Variants in RPUSD3 observed in about 807,000 individuals in gnomAD.
RPUSD3 encodes RNA pseudouridine synthase D3, also known as mitochondrial mRNA pseudouridine synthase RPUSD3.
RPUSD3 carries 36 observed loss-of-function variants against 35.1 expected under a neutral mutation model. That is an observed-to-expected ratio of 1.02 (90% confidence interval 0.79 to 1.35). RPUSD3 has a LOEUF of 1.35. Among genes scored for constraint, RPUSD3 ranks in the 40% most tolerant of loss-of-function variants. The pLI is 0.00. For synonymous variants in RPUSD3, 202 were observed against 187.8 expected (o/e 1.08, Z -0.62); for missense variants, 486 against 441.9 (o/e 1.10, Z -0.89).
chr3:9,839,430 T>G, intron 7 of RPUSD3: 1 of 366,210 alleles, frequency 2.7e-6, no homozygotes, highest in Non-Finnish European at 5.0e-6. Context: ...CCACCGGGCC[T>G]AAGGACTGTT....
At chr3:9,843,817 T>A in intron 1 of RPUSD3, 73 bp downstream of exon 1, 1 of 1,554,282 alleles carries the variant, frequency 6.4e-7, no homozygotes, top group Non-Finnish European at 8.7e-7. Flanking sequence ...AACATCTACC[T>A]GATCCAGATC....
rs73116167 is a variant in RPUSD3, at chr3:9,838,393, G to C, written c.865-186C>G. On this transcript the variant is annotated intron_variant, in intron 8 of 8. Coordinates refer to ENST00000383820, the Ensembl canonical transcript of RPUSD3. The stretch of plus-strand genomic sequence containing the variant: ...AGGCACTCACACTGCAGCAGAGACT[G>C]GCTAGGGGGTCACCCAATCAGTTTC... Among the ~76,000 whole-genome samples the C allele has an allele frequency of 3.6e-3, 553 of 152,310 alleles. 3 individuals are homozygous for C. Among genetic ancestry groups the C allele is most frequent in the African/African-American group, 0.012 (497 of 41,560 alleles).
rs2082109398 is a variant in RPUSD3, at chr3:9,841,900, G to A, written c.407+83C>T. 5 of 1,125,460 alleles carry A rather than the reference G, an allele frequency of 4.4e-6. No individual in the cohort carries two copies. The South Asian group carries it at 5.7e-5, about 13-fold the overall frequency. 69.7% of individuals were successfully genotyped at this position (1,125,460 alleles called of 1,614,324 possible). On this transcript the variant is annotated intron_variant, in intron 4 of 8. Transcript: ENST00000383820. ...GATCTCAAACCTTCCCATGGAAAAT[G>A]TCTCAGCTTATCCCCAAGCAGCTGT...
chr3:9,838,005 C>G, exon 9 of RPUSD3: 5 of 1,550,368 alleles, frequency 3.2e-6, no homozygotes, highest in Non-Finnish European at 4.4e-6. Flanking sequence ...GGGTCAGGAA[C>G]AGAGGGAGGA....
chr3:9,843,519 G>C, exon 2 of RPUSD3: 1 of 1,614,058 alleles, frequency 6.2e-7, no homozygotes, highest in Non-Finnish European at 8.5e-7. Flanking sequence ...TCCCGACTGA[G>C]GTTTTTTGGC....
chr3:9,843,158 C>T (rs976383110), intron 2 of RPUSD3: 3 of 363,186 alleles, frequency 8.3e-6, no homozygotes, highest in Admixed American at 4.1e-5. Flanking sequence ...CCCTAAAGTG[C>T]CGGGATTACA....
At position 9,840,314 on chromosome 3, in the gene RPUSD3, T is replaced by G. The variant is rs369683619; in HGVS notation, c.601-7A>C. 5 of 1,614,138 alleles carry G rather than the reference T, an allele frequency of 3.1e-6. No individual in the cohort carries two copies. In the African/African-American group the frequency reaches 4.0e-5, roughly 13 times the overall value. The stretch of plus-strand genomic sequence containing the variant: ...GGGCCTTCACTGGAACTGTCTGTGG[T>G]GCCAGCCAAGAGTGAACAAGCCTTA... On this transcript the variant is annotated splice_polypyrimidine_tract_variant and splice_region_variant and intron_variant, in intron 6 of 8. Transcript: ENST00000383820.
chr3:9,840,034 C>T, intron 7 of RPUSD3, 150 bp downstream of exon 7: 1 of 949,456 alleles, frequency 1.1e-6, no homozygotes, highest in Non-Finnish European at 1.5e-6. Flanking sequence ...GCGCCTGCCA[C>T]CGTGCCCAGC....
exon 1 of RPUSD3, chr3:9,843,958 C>A: frequency 6.2e-7 from 1 of 1,608,958 alleles, no homozygotes; most frequent in South Asian, 1.1e-5. Flanking sequence ...GCCAGCCACT[C>A]CAGAACCGGC....
At chr3:9,841,431 C>T (rs1370046329) in intron 4 of RPUSD3, 3 of 154,156 alleles carry the variant, frequency 1.9e-5, no homozygotes, top group African/African-American at 7.2e-5. Context: ...TCTCCCATCT[C>T]AGCCACCCGA....
chr3:9,840,840 C>G, intron 4 of RPUSD3, 35 bp from the exon 5 acceptor site: 2 of 1,531,162 alleles, frequency 1.3e-6, no homozygotes, highest in Non-Finnish European at 1.8e-6. Context: ...AAGTTAAAGT[C>G]CCTTGAACTC....
In RPUSD3 at chr3:9,840,692, T is replaced by C; in HGVS notation, c.515+6A>G. 1.2e-6 allele frequency: 2 copies of C among 1,613,864 alleles called. No homozygotes were observed. Among genetic ancestry groups the C allele is most frequent in the Non-Finnish European group, 1.7e-6 (2 of 1,179,828 alleles). The stretch of plus-strand genomic sequence containing the variant: ...ACCACTCTAGGAACCTCCCAGCACC[T>C]CTCACCAGTAGGTGGCTGTGGGCCT... On this transcript the variant is annotated splice_donor_region_variant and intron_variant, in intron 5 of 8. Coordinates refer to ENST00000383820, the Ensembl canonical transcript of RPUSD3.
chr3:9,843,474 C>A, exon 2 of RPUSD3: 1 of 1,614,008 alleles, frequency 6.2e-7, no homozygotes, highest in Non-Finnish European at 8.5e-7. Flanking sequence ...CCTTTCCGGT[C>A]CACCACGGCT....
At chr3:9,843,827 C>T in intron 1 of RPUSD3, 63 bp downstream of exon 1, 1 of 1,557,618 alleles carries the variant, frequency 6.4e-7, no homozygotes, top group Non-Finnish European at 8.7e-7. Context: ...TGATCCAGAT[C>T]CCGCACGTGC....
chr3:9,839,088 T>C lies in RPUSD3; in HGVS notation c.808A>G (p.Thr270Ala), dbSNP rs372995066. ...AGCAGAAATCGCTGGCCCAGGACAG[T>C]GCCCACACGGGCAGAGTACATGTGG... The change falls in exon 8 of 9, where the codon ACT becomes GCT. Residue 270 changes from threonine to alanine, a missense_variant. Physicochemically the swap from Thr to Ala is moderately conservative, Grantham distance 58. Coordinates refer to ENST00000383820, the Ensembl canonical transcript of RPUSD3. 1.2e-4 allele frequency: 191 copies of C among 1,614,086 alleles called. No individual in the cohort carries two copies. The highest frequency in any genetic ancestry group is 1.6e-4 in the Middle Eastern group (1 of 6,084).
chr3:9,843,486 C>T (rs2082133168), exon 2 of RPUSD3: 1 of 1,614,034 alleles, frequency 6.2e-7, no homozygotes, highest in Non-Finnish European at 8.5e-7. Flanking sequence ...ACCACGGCTG[C>T]CCGCAGCGCA....
At position 9,840,812 on chromosome 3, in the gene RPUSD3, T is replaced by A. The variant is rs765620630; in HGVS notation, c.408-7A>T. 1 of 1,607,980 alleles carries A rather than the reference T, an allele frequency of 6.2e-7. No individual in the cohort carries two copies. Among genetic ancestry groups the A allele is most frequent in the Admixed American group, 1.7e-5 (1 of 58,986 alleles). On this transcript the variant is annotated splice_region_variant and splice_polypyrimidine_tract_variant and intron_variant, in intron 4 of 8. Coordinates refer to ENST00000383820, the Ensembl canonical transcript of RPUSD3. The stretch of plus-strand genomic sequence containing the variant: ...TACAAGCCCAGAGCTTTCTCTGGAA[T>A]AAGCAGACAAATCACACAAGTTAAA...
chr3:9,838,843 T>A (rs142575441), intron 8 of RPUSD3, 189 bp downstream of exon 8: 1 of 660,156 alleles, frequency 1.5e-6, no homozygotes, highest in African/African-American at 1.8e-5. Context: ...ATGGACAGAA[T>A]GAAGCCCAAG....
exon 1 of RPUSD3, chr3:9,843,928 G>T: frequency 6.2e-7 from 1 of 1,605,004 alleles, no homozygotes. Context: ...CGGGCACTGG[G>T]CGGACACCCA....
Sources: gnomAD v4.1 joint callset for allele counts (sites outside exome capture counted in the v4.1 genomes callset) on GRCh38, gnomAD v4.1.1 for gene constraint, MANE v1.5 for transcripts, NCBI Gene and HGNC (gene_info 2026-07-23, HGNC 2026-07-21) for gene names.